Variants in KIF2A observed in about 807,000 individuals in gnomAD.
KIF2A encodes kinesin family member 2A.
Under a neutral mutation model 100.2 loss-of-function variants are expected in KIF2A, and 22 were observed. That is an observed-to-expected ratio of 0.22 (90% confidence interval 0.16 to 0.31). The LOEUF (loss-of-function observed/expected upper bound fraction) is 0.31, where lower values mean the gene tolerates loss of function less well. Among genes scored for constraint, KIF2A ranks in the 10% least tolerant of loss-of-function variants. The probability of loss-of-function intolerance (pLI) is 1.00; values close to 1 mark genes in which losing one functional copy is unlikely to be tolerated. For synonymous variants in KIF2A, 268 were observed against 285.9 expected (o/e 0.94, Z 0.63); for missense variants, 495 against 898.7 (o/e 0.55, Z 5.74).
intron 9 of KIF2A, among the ~76,000 whole-genome samples, chr5:62,360,030 C>T (rs1002283394): frequency 8.0e-5 from 12 of 150,402 alleles, no homozygotes; most frequent in Non-Finnish European, 1.6e-4. Flanking sequence ...TTGCTCTTGT[C>T]GCCCAGGCTG....
At chr5:62,334,087 C>A (rs1746798970) in intron 1 of KIF2A, among the ~76,000 whole-genome samples, 1 of 152,108 alleles carries the variant, frequency 6.6e-6, no homozygotes, top group African/African-American at 2.4e-5. Flanking sequence ...TTCCTGTCCT[C>A]CCACCTGCCA....
At chr5:62,381,044 T>A in intron 19 of KIF2A, 74 bp from the exon 20 acceptor site, 1 of 1,090,928 alleles carries the variant, frequency 9.2e-7, no homozygotes, top group Non-Finnish European at 1.4e-6. Context: ...TGTTTGATTA[T>A]ATTTAACAGA....
intron 1 of KIF2A, among the ~76,000 whole-genome samples, chr5:62,315,954 T>G (rs1299364751): frequency 6.6e-6 from 1 of 152,168 alleles, no homozygotes; most frequent in Non-Finnish European, 1.5e-5. Context: ...AAAGGGCAGA[T>G]GAGTTGAAAG....
chr5:62,333,632 C>T (rs1746766861), intron 1 of KIF2A, among the ~76,000 whole-genome samples: 1 of 152,198 alleles, frequency 6.6e-6, no homozygotes, highest in Non-Finnish European at 1.5e-5. Context: ...ACACAAGGAG[C>T]TCCCGTTATG....
intron 1 of KIF2A, among the ~76,000 whole-genome samples, chr5:62,322,036 C>G (rs1746117511): frequency 6.6e-6 from 1 of 152,154 alleles, no homozygotes; most frequent in South Asian, 2.1e-4. Flanking sequence ...TCTCCCATTT[C>G]AGCTTCCTGA....
intron 1 of KIF2A, among the ~76,000 whole-genome samples, chr5:62,337,584 G>A (rs1747033878): frequency 6.6e-6 from 1 of 152,134 alleles, no homozygotes; most frequent in African/African-American, 2.4e-5. Context: ...TGTAATCCCA[G>A]CACTTTGGGA....
chr5:62,319,151 T>G (rs1451634060), intron 1 of KIF2A, among the ~76,000 whole-genome samples: 1 of 123,870 alleles, frequency 8.1e-6, no homozygotes, highest in African/African-American at 2.9e-5. Flanking sequence ...CCTAGGAGAG[T>G]AATTTGGTTA....
Position 62,376,259 on chromosome 5 carries a change from C to T in KIF2A, c.1912-1402C>T, listed in dbSNP as rs1741537176. Among the ~76,000 whole-genome samples the T allele has an allele frequency of 2.6e-5, 4 of 152,256 alleles. 1 individual carries two copies. In the South Asian group the frequency reaches 8.3e-4, roughly 32 times the overall value. ...GTGCATTTCTGTCACCTTTGCCACA[C>T]CCAGGGAATTATCTTGCCATGACTC... On this transcript the variant is annotated intron_variant, in intron 18 of 20. Transcript: ENST00000407818.
At chr5:62,373,141 T>C (rs1452529004) in intron 17 of KIF2A, among the ~76,000 whole-genome samples, 1 of 152,128 alleles carries the variant, frequency 6.6e-6, no homozygotes, top group Non-Finnish European at 1.5e-5. Flanking sequence ...GTAAACACTT[T>C]TCAAATGATA....
chr5:62,340,506 A>G lies in KIF2A; in HGVS notation c.65-6624A>G, dbSNP rs547631014. Reference sequence around the variant, plus strand: ...AAAGATTGTTGCATTTTCTAGGGAAAGATATTTCTAGTCCTGATTAGTCTT... The same window carrying G: ...AAAGATTGTTGCATTTTCTAGGGAAGGATATTTCTAGTCCTGATTAGTCTT... On this transcript the variant is annotated intron_variant, in intron 1 of 20. Transcript: ENST00000407818. Among the ~76,000 whole-genome samples, 8 of 152,286 alleles carry G rather than the reference A, an allele frequency of 5.3e-5. 2 individuals are homozygous for G. The South Asian group carries it at 1.7e-3, about 32-fold the overall frequency.
intron 20 of KIF2A, among the ~76,000 whole-genome samples, chr5:62,383,317 A>G (rs1234424415): frequency 1.5e-5 from 2 of 131,884 alleles, no homozygotes; most frequent in Non-Finnish European, 3.1e-5. Context: ...ATCTTGGCTC[A>G]GTGAAAGCTC....
intron 16 of KIF2A, among the ~76,000 whole-genome samples, chr5:62,367,112 T>C (rs1741111758): frequency 6.6e-6 from 1 of 152,206 alleles, no homozygotes; most frequent in Non-Finnish European, 1.5e-5. Context: ...ATTAAGACTC[T>C]GAAGTAAATG....
chr5:62,327,511 T>C (rs1413969577), intron 1 of KIF2A, among the ~76,000 whole-genome samples: 1 of 152,222 alleles, frequency 6.6e-6, no homozygotes, highest in Admixed American at 6.5e-5. Flanking sequence ...TTCTTCAGCT[T>C]TGACCAACTT....
At chr5:62,347,531 A>G (rs192809808) in intron 2 of KIF2A, among the ~76,000 whole-genome samples, 18 of 152,334 alleles carry the variant, frequency 1.2e-4, no homozygotes, top group Admixed American at 9.1e-4. Context: ...TTAGCAATTC[A>G]TAGAGTCAAG....
Position 62,381,170 on chromosome 5 carries a change from A to T in KIF2A, c.2066A>T (p.Glu689Val), listed in dbSNP as rs1467277470. The part of the protein sequence containing the change: ...DEKALLEMTE[E>V]VDYDVDSYAT... ...AAGGCCCTCTTAGAGATGACTGAAG[A>T]AGTAGATTATGATGTCGATTCATAT... The change falls in exon 20 of 21, where the codon GAA (glutamate) becomes GTA (valine). Residue 689 changes from glutamate to valine, a missense_variant. Glu to Val is a moderately radical substitution (Grantham distance 121, BLOSUM62 -2). Around this residue, in one of 10 missense-constraint regions of KIF2A, gnomAD observed 58 missense variants for 94.8 expected, o/e 0.61. Transcript: ENST00000407818. The T allele has an allele frequency of 1.2e-6, 2 of 1,609,002 alleles. No homozygotes were observed. Among genetic ancestry groups the T allele is most frequent in the East Asian group, 2.2e-5 (1 of 44,800 alleles).
At position 62,350,087 on chromosome 5, in the gene KIF2A, A is replaced by G; in HGVS notation, c.301A>G (p.Ile101Val). The G allele has an allele frequency of 6.3e-7, 1 of 1,590,122 alleles. No individual in the cohort carries two copies. Among genetic ancestry groups the G allele is most frequent in the Middle Eastern group, 1.7e-4 (1 of 6,010 alleles). ...ATAGAATCGACGGACTGTAGCTTCTATTAAGAATGACCCTCCTTCAAGAGA... is the reference window on the plus strand; with the variant it reads ...ATAGAATCGACGGACTGTAGCTTCTGTTAAGAATGACCCTCCTTCAAGAGA... ...IVKNRRTVAS[I>V]KNDPPSRDNR... The change falls in exon 4 of 21, where the codon ATT becomes GTT. Residue 101 changes from isoleucine (I) to valine (V), a missense_variant. Coordinates refer to ENST00000407818, the MANE Select transcript of KIF2A (RefSeq NM_001098511.3).
intron 19 of KIF2A, among the ~76,000 whole-genome samples, chr5:62,380,373 T>G (rs1295657791): frequency 6.6e-6 from 1 of 152,196 alleles, no homozygotes; most frequent in Non-Finnish European, 1.5e-5. Context: ...TTAATATTGA[T>G]GTATTTGATG....
Position 62,363,300 on chromosome 5 carries a change from T to A in KIF2A, c.1242T>A (p.Ile414=). The change falls in exon 13 of 21, where the codon ATT becomes ATA. Residue 414 remains isoleucine, a synonymous_variant. Coordinates refer to ENST00000407818, the MANE Select transcript of KIF2A (RefSeq NM_001098511.3). ...GTGTTGAAGATGTACTGAAACTCAT[T>A]GACATAGGCAACAGTTGCAGGTAAA... The part of the protein sequence containing the change: ...VKCVEDVLKL[I]DIGNSCRTSG... 1 of 1,612,456 alleles carries A rather than the reference T, an allele frequency of 6.2e-7. No homozygotes were observed. The highest frequency in any genetic ancestry group is 8.5e-7 in the Non-Finnish European group (1 of 1,179,412).
In KIF2A at chr5:62,350,077, T is replaced by A; in HGVS notation, c.291T>A (p.Thr97=). The change falls in exon 4 of 21, where the codon ACT becomes ACA. Residue 97 remains threonine, a synonymous_variant. Coordinates refer to ENST00000407818, the MANE Select transcript of KIF2A (RefSeq NM_001098511.3). ...TTTTCCTTTCATAGAATCGACGGAC[T>A]GTAGCTTCTATTAAGAATGACCCTC... ...KVNKIVKNRR[T]VASIKNDPPS... The A allele has an allele frequency of 6.3e-7, 1 of 1,591,480 alleles. No individual in the cohort carries two copies. Among genetic ancestry groups the A allele is most frequent in the Non-Finnish European group, 8.6e-7 (1 of 1,167,908 alleles).
Sources: allele counts gnomAD v4.1 joint callset (sites outside exome capture counted in the v4.1 genomes callset), GRCh38; gene constraint gnomAD v4.1.1; regional missense constraint gnomAD v4.1.1; transcripts MANE v1.5; gene names NCBI Gene and HGNC (gene_info 2026-07-23, HGNC 2026-07-21).